CTH: variants seen among roughly 807,000 people sequenced by gnomAD.
CTH encodes the protein cystathionine gamma-lyase.
A neutral mutation model predicts 50.6 loss-of-function variants in CTH; 41 were observed. That is an observed-to-expected ratio of 0.81 (90% CI 0.63 to 1.05). The LOEUF is 1.05. CTH is among the 50% of genes least tolerant of loss of function. The pLI is 0.00. For synonymous variants in CTH, 156 were observed against 168.9 expected (o/e 0.92, Z 0.59); for missense variants, 470 against 492.6 (o/e 0.95, Z 0.43).
intron 1 of CTH, among the ~76,000 whole-genome samples, chr1:70,414,494 C>CAA (rs969405937): frequency 2.2e-5 from 3 of 139,176 alleles, no homozygotes; most frequent in African/African-American, 2.6e-5. Flanking sequence ...GACTCCCTTT[C>CAA]AAAAAAAAAA....
chr1:70,411,444 G>C lies in CTH; in HGVS notation c.29G>C (p.Gly10Ala). The change falls in exon 1 of 12, where the codon GGT becomes GCT. Residue 10 changes from glycine (G) to alanine (A), a missense_variant. Physicochemically the swap from Gly to Ala is moderately conservative, Grantham distance 60. Transcript: ENST00000370938. ...CAGGAAAAAGACGCCTCCTCACAAG[G>C]TTTCCTGCCACACTTCCAACATTTC... MQEKDASSQ[G>A]FLPHFQHFAT... 1 of 1,614,090 alleles carries C rather than the reference G, an allele frequency of 6.2e-7. No individual in the cohort carries two copies. Among genetic ancestry groups the C allele is most frequent in the Non-Finnish European group, 8.5e-7 (1 of 1,179,972 alleles).
intron 8 of CTH, 58 bp from the exon 9 acceptor site, chr1:70,433,770 C>A: frequency 2.5e-6 from 4 of 1,609,744 alleles, no homozygotes; most frequent in Middle Eastern, 1.7e-4. Flanking sequence ...CCACCCTCCC[C>A]CCCCAAAAAT....
intron 9 of CTH, chr1:70,434,838 C>T: frequency 3.4e-6 from 1 of 295,932 alleles, no homozygotes; most frequent in Non-Finnish European, 6.6e-6. Flanking sequence ...CTGCAACCTC[C>T]ACCTCCTGGG....
chr1:70,432,060 T>C (rs759306320), intron 7 of CTH, 23 bp from the exon 8 acceptor site: 1 of 1,613,672 alleles, frequency 6.2e-7, no homozygotes, highest in Admixed American at 1.7e-5. Context: ...TTCAAACTTA[T>C]CCAGGATGTG....
Position 70,424,376 on chromosome 1 carries a change from T to A in CTH, c.548T>A (p.Ile183Asn), listed in dbSNP as rs772360116. The A allele has an allele frequency of 1.9e-6, 3 of 1,614,136 alleles. No individual in the cohort carries two copies. In the South Asian group the frequency reaches 3.3e-5, roughly 18 times the overall value. Residue 183 changes from isoleucine (I) to asparagine (N), a missense_variant, in exon 5 of 12, where the codon ATT becomes AAT. Coordinates refer to ENST00000370938, the MANE Select transcript of CTH (RefSeq NM_001902.6). ...ATTGTCCATAAGCATGGAGACATTA[T>A]TTTGGTCGTGGATAACACTTTTATG... ...AHIVHKHGDI[I>N]LVVDNTFMSP...
chr1:70,415,865 A>G, intron 1 of CTH, 91 bp from the exon 2 acceptor site: 1 of 771,852 alleles, frequency 1.3e-6, no homozygotes, highest in South Asian at 1.4e-5. Flanking sequence ...ATAGAAACTA[A>G]TTATGGTAGG....
intron 5 of CTH, among the ~76,000 whole-genome samples, chr1:70,425,222 G>A (rs1179994297): frequency 1.3e-5 from 2 of 151,870 alleles, no homozygotes; most frequent in African/African-American, 2.4e-5. Flanking sequence ...TTATTATTTT[G>A]AACTTTTACT....
chr1:70,435,658 C>T (rs757293905), intron 10 of CTH, among the ~76,000 whole-genome samples: 1 of 151,818 alleles, frequency 6.6e-6, no homozygotes, highest in Non-Finnish European at 1.5e-5. Context: ...GTAGGATAAA[C>T]CTTTAATGTC....
intron 5 of CTH, among the ~76,000 whole-genome samples, chr1:70,428,249 A>C (rs1684390791): frequency 6.6e-6 from 1 of 152,116 alleles, no homozygotes; most frequent in Admixed American, 6.6e-5. Context: ...GGAGGTGGGG[A>C]GGACAGAGGA....
chr1:70,422,188 G>C (rs1027671339), intron 4 of CTH, among the ~76,000 whole-genome samples: 1 of 152,194 alleles, frequency 6.6e-6, no homozygotes, highest in African/African-American at 2.4e-5. Context: ...GAAGCACAGT[G>C]GCTTTGCCGG....
At chr1:70,434,132 T>C (rs1411543083) in intron 9 of CTH, among the ~76,000 whole-genome samples, 183 bp downstream of exon 9, 1 of 152,228 alleles carries the variant, frequency 6.6e-6, no homozygotes, top group Non-Finnish European at 1.5e-5. Flanking sequence ...CATCTAAATA[T>C]GTTCACTTAC....
intron 4 of CTH, among the ~76,000 whole-genome samples, chr1:70,422,199 G>T (rs751196876): frequency 2.0e-5 from 3 of 152,186 alleles, no homozygotes; most frequent in Non-Finnish European, 2.9e-5. Context: ...GCTTTGCCGG[G>T]CTGTAAGGGA....
chr1:70,424,727 G>T (rs1475008358), intron 5 of CTH, among the ~76,000 whole-genome samples: 1 of 152,216 alleles, frequency 6.6e-6, no homozygotes, highest in Non-Finnish European at 1.5e-5. Context: ...CGGATCAGGA[G>T]ATCAGGGATC....
chr1:70,433,984 G>T, intron 9 of CTH, 35 bp downstream of exon 9: 1 of 1,611,760 alleles, frequency 6.2e-7, no homozygotes, highest in Non-Finnish European at 8.5e-7. Context: ...ATTGTAGGAG[G>T]TAAGGCCTTA....
rs764747358 is a variant in CTH, at chr1:70,433,985, T to C, written c.999+36T>C. On this transcript the variant is annotated intron_variant, in intron 9 of 11. Transcript: ENST00000370938. ...AAAATAGGTTTAAAATTGTAGGAGG[T>C]AAGGCCTTACAGCAGTTCACTATCT... 22 of 1,611,868 alleles carry C rather than the reference T, an allele frequency of 1.4e-5. No homozygotes were observed. In the South Asian group the frequency reaches 2.2e-4, roughly 16 times the overall value.
chr1:70,436,781 C>T (rs1684607967), intron 10 of CTH, among the ~76,000 whole-genome samples: 1 of 152,122 alleles, frequency 6.6e-6, no homozygotes, highest in African/African-American at 2.4e-5. Flanking sequence ...CAAGAGGGCA[C>T]ACTCAGCATG....
At position 70,424,541 on chromosome 1, in the gene CTH, T is replaced by TA. The variant is rs1409223085; in HGVS notation, c.588+126dup. The TA allele has an allele frequency of 9.4e-6, 14 of 1,490,048 alleles. No individual in the cohort carries two copies. The African/African-American group carries it at 2.0e-4, about 21-fold the overall frequency. 92.3% of individuals were successfully genotyped at this position (1,490,048 alleles called of 1,614,324 possible). ...TGAAATCTAATCATAATTAATTATT[T>TA]ACTGGATCGAGAATTAAATTTGGAC... is the stretch of plus-strand genomic sequence containing the variant. On this transcript the variant is annotated intron_variant, in intron 5 of 11. Transcript: ENST00000370938.
chr1:70,438,912 G>A (rs1684659775), intron 11 of CTH, 86 bp downstream of exon 11: 2 of 1,605,594 alleles, frequency 1.2e-6, no homozygotes, highest in African/African-American at 2.7e-5. Context: ...TTTACAAAGT[G>A]TGGTCTCACT....
At position 70,415,937 on chromosome 1, in the gene CTH, T is replaced by G. The variant is rs1399224616; in HGVS notation, c.169-19T>G. The G allele has an allele frequency of 6.8e-7, 1 of 1,470,354 alleles. No homozygotes were observed. Among genetic ancestry groups the G allele is most frequent in the African/African-American group, 1.4e-5 (1 of 72,088 alleles). The allele number at this position is 1,470,354 out of a possible 1,614,324, so 91.1% of individuals were successfully genotyped here. A position where few individuals can be genotyped will look rare whatever the true frequency, so the allele number is the denominator to read the frequency against. Reference sequence around the variant, plus strand: ...TAAACTGAAATCTCTTAGGATGAACTCGAACTTGTTTTTTTCAGGGTTTTG... The same window carrying G: ...TAAACTGAAATCTCTTAGGATGAACGCGAACTTGTTTTTTTCAGGGTTTTG... On this transcript the variant is annotated intron_variant, in intron 1 of 11. Transcript: ENST00000370938.
Sources: gnomAD v4.1 joint callset for allele counts (sites outside exome capture counted in the v4.1 genomes callset) on GRCh38, gnomAD v4.1.1 for gene constraint, MANE v1.5 for transcripts, NCBI Gene and HGNC (gene_info 2026-07-23, HGNC 2026-07-21) for gene names.